The following PATJ variants were observed in gnomAD, a reference collection of about 807,000 sequenced individuals.
PATJ encodes inaD-like protein.
PATJ carries 190 observed loss-of-function variants against 224.9 expected under a neutral mutation model. That is an observed-to-expected ratio of 0.84 (90% CI 0.75 to 0.95). The LOEUF (loss-of-function observed/expected upper bound fraction) is 0.95. PATJ is among the 40% of genes least tolerant of loss of function. The pLI is 0.00. For missense variants in PATJ, 2,121 were observed against 2,270.3 expected, an observed-to-expected ratio of 0.93 and a Z score of 1.34; for synonymous variants, 769 against 820.3, an observed-to-expected ratio of 0.94 and a Z score of 1.07.
intron 24 of PATJ, among the ~76,000 whole-genome samples, chr1:61,902,817 GTT>G (rs1180197097): frequency 1.3e-5 from 2 of 152,132 alleles, no homozygotes; most frequent in African/African-American, 4.8e-5. Flanking sequence ...GAGCGTTGGG[GTT>G]GGGGATGGTG....
chr1:61,743,497 G>A (rs914488527), intron 1 of PATJ, among the ~76,000 whole-genome samples: 8 of 152,172 alleles, frequency 5.3e-5, no homozygotes, highest in African/African-American at 1.4e-4. Context: ...GCTATTGGTA[G>A]GTGCGCGACA....
In PATJ at chr1:61,901,348, A is replaced by G; in HGVS notation, c.3270A>G (p.Ile1090Met). 1 of 1,585,844 alleles carries G rather than the reference A, an allele frequency of 6.3e-7. No individual in the cohort carries two copies. Among genetic ancestry groups the G allele is most frequent in the Non-Finnish European group, 8.5e-7 (1 of 1,170,540 alleles). The change falls in exon 24 of 44, where the codon ATA becomes ATG. Residue 1090 changes from isoleucine to methionine, a missense_variant. Physicochemically the swap from Ile to Met is conservative, Grantham distance 10 (BLOSUM62 1). Transcript: ENST00000642238. ...GTATTGTTGGTGGACAAACTGTTAT[A>G]AAACGTCTAAAGAATGGAGAGGAGC... ...GISIVGGQTVIKRLKNGEELK... is the reference protein window; with the variant it reads ...GISIVGGQTVMKRLKNGEELK...
At chr1:62,136,372 T>A (rs972470356) in intron 41 of PATJ, among the ~76,000 whole-genome samples, 1 of 151,912 alleles carries the variant, frequency 6.6e-6, no homozygotes, top group African/African-American at 2.4e-5. Flanking sequence ...AATCAATATA[T>A]TCTGGTGTCA....
intron 33 of PATJ, among the ~76,000 whole-genome samples, chr1:62,106,045 T>TAA (rs1218285369): frequency 0.015 from 439 of 30,184 alleles, 59 homozygotes; most frequent in African/African-American, 0.072. Flanking sequence ...AGACTCCTCT[T>TAA]AAAAAAAAAA....
intron 33 of PATJ, among the ~76,000 whole-genome samples, chr1:62,101,446 T>A (rs371212763): frequency 1.3e-5 from 2 of 151,790 alleles, no homozygotes; most frequent in African/African-American, 4.8e-5. Context: ...AGTTTTTAGT[T>A]GAGATGGGAT....
chr1:62,098,531 G>A, intron 33 of PATJ, among the ~76,000 whole-genome samples: 1 of 151,824 alleles, frequency 6.6e-6, no homozygotes, highest in Non-Finnish European at 1.5e-5. Context: ...GGAGGTGGAG[G>A]TTTCAGTGAG....
intron 32 of PATJ, among the ~76,000 whole-genome samples, chr1:62,082,255 A>C (rs2148743800): frequency 6.6e-6 from 1 of 152,314 alleles, no homozygotes; most frequent in African/African-American, 2.4e-5. Flanking sequence ...TAGATTAATA[A>C]ATTCCATATG....
In PATJ at chr1:62,127,675, C is replaced by T. The variant is rs564849364; in HGVS notation, c.5044-297C>T. 5.3e-5 allele frequency among the ~76,000 whole-genome samples: 8 copies of T among 152,196 alleles called. No homozygotes were observed. In the South Asian group the frequency reaches 6.2e-4, roughly 12 times the overall value. ...ACAAAAAATTAGCCAAGTGTGGTGG[C>T]GCGCACTTGTAATCCTAGCTACTCA... On this transcript the variant is annotated intron_variant, in intron 39 of 43. Transcript: ENST00000642238.
intron 27 of PATJ, among the ~76,000 whole-genome samples, chr1:61,942,125 C>T (rs1677907433): frequency 6.6e-6 from 1 of 152,126 alleles, no homozygotes. Flanking sequence ...CTGAACTTTG[C>T]AGGATTCCTA....
intron 28 of PATJ, among the ~76,000 whole-genome samples, chr1:61,993,442 G>A (rs527805877): frequency 1.3e-5 from 2 of 152,100 alleles, no homozygotes; most frequent in South Asian, 2.1e-4. Flanking sequence ...TCATCATGTA[G>A]GCATGAGCAA....
intron 29 of PATJ, among the ~76,000 whole-genome samples, chr1:62,023,600 A>G (rs980562934): frequency 6.6e-6 from 1 of 152,174 alleles, no homozygotes; most frequent in Non-Finnish European, 1.5e-5. Context: ...TTTGGGGCCC[A>G]TGGGAAGATA....
chr1:62,152,466 A>T (rs1197964080), intron 42 of PATJ, among the ~76,000 whole-genome samples: 2 of 151,916 alleles, frequency 1.3e-5, no homozygotes, highest in Non-Finnish European at 2.9e-5. Flanking sequence ...AGCCTGGTCA[A>T]CATGGCGAAA....
chr1:61,902,544 CATT>C (rs1286108267), intron 24 of PATJ, among the ~76,000 whole-genome samples: 1 of 152,068 alleles, frequency 6.6e-6, no homozygotes, highest in African/African-American at 2.4e-5. Flanking sequence ...AAATCGATAG[CATT>C]ATTGTGAGGA....
At chr1:62,160,682 TGTTA>T (rs1015341510) in intron 43 of PATJ, among the ~76,000 whole-genome samples, 1 of 152,200 alleles carries the variant, frequency 6.6e-6, no homozygotes, top group Admixed American at 6.5e-5. Context: ...TCTACTAGTA[TGTTA>T]TTTAGATTAT....
At chr1:61,875,618 A>G (rs530383307) in intron 21 of PATJ, 23 of 316,614 alleles carry the variant, frequency 7.3e-5, no homozygotes, top group South Asian at 6.6e-4. Context: ...TTTTATTAGC[A>G]GTATGGATTG....
chr1:61,855,844 G>A (rs148122200), intron 17 of PATJ, among the ~76,000 whole-genome samples, 186 bp from the exon 18 acceptor site: 4 of 152,342 alleles, frequency 2.6e-5, no homozygotes, highest in Non-Finnish European at 5.9e-5. Context: ...ATACAGAGGT[G>A]TACAACCATA....
intron 33 of PATJ, among the ~76,000 whole-genome samples, chr1:62,106,229 G>A (rs1417787392): frequency 8.2e-6 from 1 of 121,424 alleles, no homozygotes; most frequent in Non-Finnish European, 1.7e-5. Flanking sequence ...CAGCACTTTG[G>A]GAGGCCAAGG....
chr1:61,862,753 A>G (rs1664811653), intron 19 of PATJ, among the ~76,000 whole-genome samples: 1 of 152,016 alleles, frequency 6.6e-6, no homozygotes, highest in African/African-American at 2.4e-5. Context: ...ATTTTAGAAA[A>G]TTTATTTTGA....
intron 33 of PATJ, among the ~76,000 whole-genome samples, chr1:62,101,105 A>G (rs1662102585): frequency 6.6e-6 from 1 of 152,126 alleles, no homozygotes; most frequent in South Asian, 2.1e-4. Context: ...TTGTTTCTAG[A>G]TAGAGAAATT....
Sources: gnomAD v4.1 joint callset for allele counts (sites outside exome capture counted in the v4.1 genomes callset) on GRCh38, gnomAD v4.1.1 for gene constraint, MANE v1.5 for transcripts, NCBI Gene and HGNC (gene_info 2026-07-23, HGNC 2026-07-21) for gene names.